The following PRKDC variants were observed in gnomAD, a reference collection of about 807,000 sequenced individuals.
PRKDC encodes the protein DNA-dependent protein kinase catalytic subunit.
Under a neutral mutation model 486.9 loss-of-function variants are expected in PRKDC, and 82 were observed. That is an observed-to-expected ratio of 0.17 (90% CI 0.14 to 0.20). PRKDC has a LOEUF of 0.20. Among genes scored for constraint, PRKDC ranks in the 10% least tolerant of loss-of-function variants. The pLI is 1.00. For missense variants in PRKDC, 4,504 were observed against 5,038.2 expected, an observed-to-expected ratio of 0.89 and a Z score of 3.21; for synonymous variants, 1,895 against 1,837.0, an observed-to-expected ratio of 1.03 and a Z score of -0.81.
intron 74 of PRKDC, among the ~76,000 whole-genome samples, chr8:47,793,926 T>C (rs1421453581): frequency 1.3e-5 from 2 of 152,158 alleles, no homozygotes; most frequent in Non-Finnish European, 2.9e-5. Flanking sequence ...GTGGACAGGA[T>C]GACACTTGAG....
intron 21 of PRKDC, among the ~76,000 whole-genome samples, chr8:47,918,897 C>T (rs1207675858): frequency 6.6e-6 from 1 of 152,008 alleles, no homozygotes; most frequent in African/African-American, 2.4e-5. Flanking sequence ...GATACTAAAA[C>T]TATTATGGTG....
intron 7 of PRKDC, 28 bp downstream of exon 7, chr8:47,953,592 A>C (rs1389855425): frequency 1.3e-6 from 2 of 1,579,756 alleles, no homozygotes; most frequent in Non-Finnish European, 1.7e-6. Flanking sequence ...TTTTTGAATA[A>C]AGAAAATCAA....
At chr8:47,850,225 C>T (rs2088371022) in intron 52 of PRKDC, among the ~76,000 whole-genome samples, 1 of 152,186 alleles carries the variant, frequency 6.6e-6, no homozygotes, top group African/African-American at 2.4e-5. Flanking sequence ...TCACCTCCTT[C>T]CTCACAAACA....
intron 26 of PRKDC, 72 bp from the exon 27 acceptor site, chr8:47,902,867 T>C: frequency 5.2e-6 from 6 of 1,162,822 alleles, no homozygotes; most frequent in Non-Finnish European, 7.0e-6. Flanking sequence ...CCTTGGTCTA[T>C]CTCTGAGCAT....
intron 21 of PRKDC, among the ~76,000 whole-genome samples, chr8:47,923,918 T>C (rs1223526041): frequency 6.6e-6 from 1 of 152,164 alleles, no homozygotes; most frequent in Non-Finnish European, 1.5e-5. Flanking sequence ...GTCCTACAAA[T>C]CTACGAAATA....
At chr8:47,955,735 G>T in intron 4 of PRKDC, 139 bp downstream of exon 4, 2 of 615,362 alleles carry the variant, frequency 3.3e-6, no homozygotes, top group Non-Finnish European at 5.5e-6. Context: ...GTTGGAGAAT[G>T]TGCATCTTAC....
intron 68 of PRKDC, among the ~76,000 whole-genome samples, chr8:47,817,192 T>A (rs1166523448): frequency 6.6e-6 from 1 of 152,310 alleles, no homozygotes; most frequent in East Asian, 1.9e-4. Flanking sequence ...ACTGACCCTG[T>A]CTCCCTTCCT....
In PRKDC at chr8:47,782,154, G is replaced by A. The variant is rs1438326515; in HGVS notation, c.11489+8C>T. ...TGCTGGGGGAGCAGGGCGTGTGGCC[G>A]CCCTTACCTCAGGTAAGCCGCCTTC... is the stretch of plus-strand genomic sequence containing the variant. On this transcript the variant is annotated splice_region_variant and intron_variant, in intron 80 of 85. Transcript: ENST00000314191. This position sits in a 1 kb window ranked among gnomAD's most constrained non-coding sequence, Gnocchi z 4.9. 1 of 1,611,688 alleles carries A rather than the reference G, an allele frequency of 6.2e-7. No homozygotes were observed. Among genetic ancestry groups the A allele is most frequent in the Non-Finnish European group, 8.5e-7 (1 of 1,177,794 alleles).
At chr8:47,927,143 C>T in intron 21 of PRKDC, 51 bp downstream of exon 21, 1 of 1,554,782 alleles carries the variant, frequency 6.4e-7, no homozygotes, top group Non-Finnish European at 8.8e-7. Flanking sequence ...ATTATAGTTA[C>T]TCCATTTCCA....
chr8:47,834,668 G>A (rs1320478880), intron 58 of PRKDC, among the ~76,000 whole-genome samples: 1 of 151,598 alleles, frequency 6.6e-6, no homozygotes, highest in African/African-American at 2.4e-5. Flanking sequence ...TCTACTGAAA[G>A]GTGCTAAGAA....
At chr8:47,846,496 A>G (rs1226023065) in intron 54 of PRKDC, among the ~76,000 whole-genome samples, 2 of 152,132 alleles carry the variant, frequency 1.3e-5, no homozygotes, top group Non-Finnish European at 2.9e-5. Context: ...CATCAAAGGA[A>G]TATTCCTCAA....
At chr8:47,863,149 G>A (rs1019935025) in intron 42 of PRKDC, among the ~76,000 whole-genome samples, 3 of 152,076 alleles carry the variant, frequency 2.0e-5, no homozygotes, top group African/African-American at 4.8e-5. Context: ...GGGAAAAACA[G>A]TAGGAAAAGA....
At chr8:47,925,238 A>G (rs920287338) in intron 21 of PRKDC, among the ~76,000 whole-genome samples, 2 of 152,352 alleles carry the variant, frequency 1.3e-5, no homozygotes, top group Admixed American at 6.5e-5. Context: ...GTAACCTGAC[A>G]ACCACAAAAA....
chr8:47,891,201 AC>A (rs2089448578), intron 31 of PRKDC, among the ~76,000 whole-genome samples: 1 of 152,164 alleles, frequency 6.6e-6, no homozygotes, highest in Non-Finnish European at 1.5e-5. Context: ...TCCAAGGTGC[AC>A]AGCCCTTTAG....
chr8:47,829,219 G>A (rs564890210), intron 61 of PRKDC, among the ~76,000 whole-genome samples: 6 of 152,244 alleles, frequency 3.9e-5, no homozygotes, highest in Non-Finnish European at 5.9e-5. Flanking sequence ...GGTGAGACTT[G>A]TGCTGCTTTT....
intron 40 of PRKDC, among the ~76,000 whole-genome samples, chr8:47,874,024 T>C (rs1216910072): frequency 1.3e-5 from 2 of 148,712 alleles, no homozygotes; most frequent in Non-Finnish European, 3.0e-5. Context: ...TCTCGCTCAG[T>C]CACCTGCCTC....
At chr8:47,795,786 C>T (rs959633928) in intron 73 of PRKDC, among the ~76,000 whole-genome samples, 1 of 150,140 alleles carries the variant, frequency 6.7e-6, no homozygotes, top group Non-Finnish European at 1.5e-5. Context: ...AGCCACCGCG[C>T]CTGGTCCCCT....
At position 47,945,132 on chromosome 8, in the gene PRKDC, G is replaced by A. The variant is rs75668405; in HGVS notation, c.722-1103C>T. 1.8e-4 allele frequency among the ~76,000 whole-genome samples: 28 copies of A among 152,274 alleles called. 1 individual carries two copies. The East Asian group carries it at 5.2e-3, about 28-fold the overall frequency. ...CCACAGTACACAGTGGGTTTAGGGT[G>A]GGGACTTAGCAAGGACAGACTTCTC... On this transcript the variant is annotated intron_variant, in intron 7 of 85. Transcript: ENST00000314191.
intron 34 of PRKDC, 49 bp downstream of exon 34, chr8:47,888,465 CTAAT>C (rs2089383542): frequency 7.1e-7 from 1 of 1,404,854 alleles, no homozygotes; most frequent in Non-Finnish European, 9.4e-7. Flanking sequence ...AATAAATACA[CTAAT>C]TATCATACTA....
Sources: allele counts gnomAD v4.1 joint callset (sites outside exome capture counted in the v4.1 genomes callset), GRCh38; gene constraint gnomAD v4.1.1; non-coding constraint Gnocchi (gnomAD v3.1); transcripts MANE v1.5; gene names NCBI Gene and HGNC (gene_info 2026-07-23, HGNC 2026-07-21).